Variants in JMJD1C observed in about 807,000 individuals in gnomAD.
JMJD1C encodes jumonji domain containing 1C.
In JMJD1C, 31 loss-of-function variants were observed where a neutral mutation model predicts 245.3. The ratio of observed to expected loss-of-function variants is 0.13; its 90% CI spans 0.09 to 0.17. JMJD1C has a LOEUF of 0.17. JMJD1C is among the 10% of genes least tolerant of loss of function. The probability of loss-of-function intolerance (pLI) is 1.00; values close to 1 mark genes in which losing one functional copy is unlikely to be tolerated. For missense variants in JMJD1C, 2,691 were observed against 3,000.2 expected (o/e 0.90, Z 2.41); for synonymous variants, 1,057 against 1,017.4 (o/e 1.04, Z -0.74).
intron 2 of JMJD1C, chr10:63,358,813 A>G (rs1190378612): frequency 6.5e-6 from 1 of 153,262 alleles, no homozygotes; most frequent in East Asian, 1.9e-4. Context: ...AGTTAAAACT[A>G]TCTAGTTCAA....
rs757722994 is a variant in JMJD1C at position 63,465,815 on chromosome 10, C to G, written c.-153G>C. Reference sequence around the variant, plus strand: ...CTCGGGACGAACCGGCCGCTCTGCCCCGGACACAGCGACCTCGGGCCCTCC... The same window carrying G: ...CTCGGGACGAACCGGCCGCTCTGCCGCGGACACAGCGACCTCGGGCCCTCC... On this transcript the variant is annotated 5_prime_UTR_variant, in exon 1 of 26. Coordinates refer to ENST00000399262, the MANE Select transcript of JMJD1C (RefSeq NM_032776.3). The G allele has an allele frequency of 3.7e-5, 32 of 864,534 alleles. No homozygotes were observed. Among genetic ancestry groups the G allele is most frequent in the Non-Finnish European group, 6.0e-5 (32 of 533,448 alleles). 53.6% of individuals were successfully genotyped at this position (864,534 alleles called of 1,614,324 possible).
At chr10:63,274,900 A>G (rs1002773865) in intron 2 of JMJD1C, among the ~76,000 whole-genome samples, 1 of 152,148 alleles carries the variant, frequency 6.6e-6, no homozygotes, top group Non-Finnish European at 1.5e-5. Flanking sequence ...ATACAAATCA[A>G]GCAGCAATCA....
intron 2 of JMJD1C, among the ~76,000 whole-genome samples, chr10:63,334,108 CAAG>C (rs1167976953): frequency 6.6e-6 from 1 of 152,090 alleles, no homozygotes; most frequent in Non-Finnish European, 1.5e-5. Context: ...GATGCTGACC[CAAG>C]AAGAGGTGGT....
At chr10:63,509,550 T>C (rs756800068) in intron 1 of JMJD1C, among the ~76,000 whole-genome samples, 35 of 152,238 alleles carry the variant, frequency 2.3e-4, no homozygotes, top group Admixed American at 5.2e-4. Flanking sequence ...ACTTTCTGTT[T>C]GGGAAGATTA....
At chr10:63,257,226 C>CAAAA (rs71025139) in intron 3 of JMJD1C, among the ~76,000 whole-genome samples, 6 of 92,608 alleles carry the variant, frequency 6.5e-5, no homozygotes, top group East Asian at 3.6e-4. Flanking sequence ...GACTTCATCT[C>CAAAA]AAAAAAAAAA....
intron 2 of JMJD1C, among the ~76,000 whole-genome samples, chr10:63,331,829 G>A (rs1332322372): frequency 2.6e-5 from 4 of 151,848 alleles, no homozygotes; most frequent in South Asian, 2.1e-4. Flanking sequence ...CATACTGGCC[G>A]GCCTGGTTTC....
At chr10:63,382,972 C>G (rs1408454094) in intron 1 of JMJD1C, 3 of 378,964 alleles carry the variant, frequency 7.9e-6, no homozygotes, top group African/African-American at 6.4e-5. Flanking sequence ...CAAATACCGT[C>G]CTATATTTTT....
chr10:63,225,993 C>CT (rs1163968033), intron 3 of JMJD1C, among the ~76,000 whole-genome samples: 6 of 137,158 alleles, frequency 4.4e-5, no homozygotes, highest in African/African-American at 1.6e-4. Context: ...CCACCCCCCC[C>CT]TTCCCTCCAC....
rs1373826493 is a variant in JMJD1C, at chr10:63,213,632, A to G, written c.2535T>C (p.Leu845=). Residue 845 remains leucine (L), a synonymous_variant, in exon 8 of 26, where the codon CTT becomes CTC. Coordinates refer to ENST00000399262, the MANE Select transcript of JMJD1C (RefSeq NM_032776.3). ...ATGAAGCAGAAGGATGGGCTTGTCC[A>G]AGAAGATGAGGTGACTGGTGCTGTA... is the stretch of plus-strand genomic sequence containing the variant. ...QLLQHQSPHL[L]GQAHPSASYN... The G allele has an allele frequency of 6.2e-7, 1 of 1,614,218 alleles. No homozygotes were observed. Among genetic ancestry groups the G allele is most frequent in the Admixed American group, 1.7e-5 (1 of 60,024 alleles).
intron 1 of JMJD1C, chr10:63,427,660 G>C (rs1302521669): frequency 7.6e-7 from 1 of 1,307,660 alleles, no homozygotes; most frequent in Non-Finnish European, 1.1e-6. Context: ...TAACAACAGT[G>C]GCTGGACCGA....
chr10:63,381,199 T>C (rs1947187474), intron 1 of JMJD1C, among the ~76,000 whole-genome samples: 1 of 152,174 alleles, frequency 6.6e-6, no homozygotes, highest in Non-Finnish European at 1.5e-5. Context: ...CACACTCATA[T>C]GTGGGAGTCA....
chr10:63,520,588 C>T (rs930139423), intron 1 of JMJD1C, among the ~76,000 whole-genome samples: 1 of 151,672 alleles, frequency 6.6e-6, no homozygotes, highest in Non-Finnish European at 1.5e-5. Flanking sequence ...GTAACCCAAC[C>T]TCCAAAAAAT....
At chr10:63,446,466 T>C (rs1385319094) in intron 1 of JMJD1C, among the ~76,000 whole-genome samples, 1 of 152,256 alleles carries the variant, frequency 6.6e-6, no homozygotes, top group Admixed American at 6.5e-5. Flanking sequence ...GACATAGATA[T>C]AGAAGTCTCC....
chr10:63,441,029 T>C (rs1324398874), intron 1 of JMJD1C, among the ~76,000 whole-genome samples: 1 of 152,168 alleles, frequency 6.6e-6, no homozygotes, highest in East Asian at 1.9e-4. Flanking sequence ...CTGGAAGAAC[T>C]GTGCTTTAAA....
intron 1 of JMJD1C, among the ~76,000 whole-genome samples, chr10:63,450,922 A>C (rs746719687): frequency 7.0e-5 from 1 of 14,228 alleles, no homozygotes; most frequent in South Asian, 0.17. Context: ...ACACACACAG[A>C]AAAAAAAAAA....
In JMJD1C at chr10:63,213,975, G is replaced by A; in HGVS notation, c.2192C>T (p.Pro731Leu). 6.2e-6 allele frequency: 10 copies of A among 1,614,156 alleles called. No individual in the cohort carries two copies. Among genetic ancestry groups the A allele is most frequent in the African/African-American group, 1.3e-5 (1 of 75,050 alleles). ...AGGAAAAGGATGCTGGCTTAGGAAAGGTGAAATATGATTAGCTCCTGTTTC... is the reference window on the plus strand; with the variant it reads ...AGGAAAAGGATGCTGGCTTAGGAAAAGTGAAATATGATTAGCTCCTGTTTC... ...GSETGANHIS[P>L]FLSQHPFPLH... Residue 731 changes from proline (P) to leucine (L), a missense_variant, in exon 8 of 26, where the codon CCT (proline) becomes CTT (leucine). Coordinates refer to ENST00000399262, the MANE Select transcript of JMJD1C (RefSeq NM_032776.3).
intron 5 of JMJD1C, 31 bp from the exon 6 acceptor site, chr10:63,215,727 T>A: frequency 7.0e-7 from 1 of 1,427,198 alleles, no homozygotes; most frequent in Non-Finnish European, 9.4e-7. Context: ...AAAACAAAAA[T>A]TAAATAGAAT....
chr10:63,368,437 G>A (rs966387591), intron 2 of JMJD1C, among the ~76,000 whole-genome samples: 1 of 152,146 alleles, frequency 6.6e-6, no homozygotes, highest in East Asian at 1.9e-4. Context: ...ACTGAGACAA[G>A]GTAAGTAGCT....
chr10:63,257,159 C>T (rs1054607845), intron 3 of JMJD1C, among the ~76,000 whole-genome samples: 2 of 146,310 alleles, frequency 1.4e-5, no homozygotes, highest in East Asian at 4.0e-4. Flanking sequence ...ATCACTTGAA[C>T]CAGGGAGATG....
Sources: gnomAD v4.1 joint callset for allele counts (sites outside exome capture counted in the v4.1 genomes callset) on GRCh38, gnomAD v4.1.1 for gene constraint, MANE v1.5 for transcripts, NCBI Gene and HGNC (gene_info 2026-07-23, HGNC 2026-07-21) for gene names.